Variants in SORCS1 observed in about 807,000 individuals in gnomAD.
SORCS1 encodes the protein VPS10 domain-containing receptor SorCS1.
In SORCS1, 60 loss-of-function variants were observed where a neutral mutation model predicts 146.1. The ratio of observed to expected loss-of-function variants is 0.41; its 90% confidence interval spans 0.33 to 0.51. SORCS1 has a LOEUF of 0.51. SORCS1 is among the 20% of genes least tolerant of loss of function. The pLI is 0.21. For missense variants in SORCS1, 1,352 were observed against 1,487.6 expected (o/e 0.91, Z 1.50); for synonymous variants, 637 against 584.0 (o/e 1.09, Z -1.31).
intron 1 of SORCS1, among the ~76,000 whole-genome samples, chr10:107,133,143 G>T (rs569228472): frequency 6.6e-6 from 1 of 152,302 alleles, no homozygotes; most frequent in Admixed American, 6.5e-5. Context: ...ATTTTAAATA[G>T]AATTTTGAAC....
chr10:106,678,831 T>C (rs1852226694), intron 12 of SORCS1, among the ~76,000 whole-genome samples: 1 of 152,210 alleles, frequency 6.6e-6, no homozygotes, highest in African/African-American at 2.4e-5. Flanking sequence ...TGGCCATTTC[T>C]ATATCTGCAT....
intron 2 of SORCS1, among the ~76,000 whole-genome samples, chr10:106,896,544 A>T (rs1402740301): frequency 1.3e-5 from 2 of 151,946 alleles, no homozygotes; most frequent in Non-Finnish European, 2.9e-5. Flanking sequence ...CAAGATGAAA[A>T]TTTTTTTAAG....
chr10:106,943,609 CATCCCGGCTAACACTGT>C (rs1194011832), intron 2 of SORCS1, among the ~76,000 whole-genome samples: 1 of 151,700 alleles, frequency 6.6e-6, no homozygotes, highest in African/African-American at 2.4e-5. Flanking sequence ...AGATCAAGAC[CATCCCGGCTAACACTGT>C]GAAACCCCAT....
At chr10:106,910,911 ATAAC>A (rs1273091996) in intron 2 of SORCS1, among the ~76,000 whole-genome samples, 2 of 152,252 alleles carry the variant, frequency 1.3e-5, no homozygotes, top group Non-Finnish European at 2.9e-5. Flanking sequence ...ATAAGTAGCA[ATAAC>A]TAACATTTTA....
chr10:106,790,800 T>A lies in SORCS1; in HGVS notation c.727-14108A>T, dbSNP rs1487031789. ...TACTTGTCCGATGTCTAGCTCTTGC[T>A]AGGTATGAATCTTTGTGTCAAAGAT... On this transcript the variant is annotated intron_variant, in intron 3 of 25. Coordinates refer to ENST00000263054, the MANE Select transcript of SORCS1 (RefSeq NM_052918.5). 2.0e-5 allele frequency among the ~76,000 whole-genome samples: 3 copies of A among 152,240 alleles called. No homozygotes were observed. The East Asian group carries it at 5.8e-4, about 29-fold the overall frequency.
chr10:106,806,481 A>G (rs1947184217), intron 3 of SORCS1, among the ~76,000 whole-genome samples: 1 of 146,358 alleles, frequency 6.8e-6, no homozygotes, highest in South Asian at 2.2e-4. Context: ...GAGAGACTAC[A>G]GCCCTTCTGA....
intron 18 of SORCS1, among the ~76,000 whole-genome samples, chr10:106,648,736 C>T (rs567897485): frequency 2.2e-4 from 33 of 152,064 alleles, no homozygotes; most frequent in Non-Finnish European, 4.3e-4. Flanking sequence ...GGGGGAAGGG[C>T]GTTGGTCCCT....
At chr10:106,794,501 CTTTTTTTTTTT>C (rs35647552) in intron 3 of SORCS1, among the ~76,000 whole-genome samples, 2 of 126,068 alleles carry the variant, frequency 1.6e-5, no homozygotes, top group Admixed American at 8.5e-5. Flanking sequence ...TTTTCTTTTT[CTTTTTTTTTTT>C]TTTTTTTTGA....
the SORCS1 span, among the ~76,000 whole-genome samples, chr10:107,171,514 CTTTT>C: frequency 2.6e-5 from 3 of 117,288 alleles, no homozygotes; most frequent in Non-Finnish European, 3.4e-5. Flanking sequence ...GGGAATCCCC[CTTTT>C]TTTTTTTTTT....
In SORCS1 at chr10:106,801,597, C is replaced by T. The variant is rs532384779; in HGVS notation, c.727-24905G>A. Among the ~76,000 whole-genome samples, 64 of 144,096 alleles carry T rather than the reference C, an allele frequency of 4.4e-4. 1 individual carries two copies. The highest frequency in any genetic ancestry group is 7.2e-4 in the Admixed American group (10 of 13,958). 94.5% of individuals were successfully genotyped at this position (144,096 alleles called of 152,430 possible). On this transcript the variant is annotated intron_variant, in intron 3 of 25. Coordinates refer to ENST00000263054, the MANE Select transcript of SORCS1 (RefSeq NM_052918.5). ...AGGCTGGAGTGCAGTGGTGGGATCT[C>T]GGCTCACTGCAAAGCTCCGCCTCCC...
At chr10:106,958,996 C>T (rs570550656) in intron 1 of SORCS1, among the ~76,000 whole-genome samples, 4 of 152,102 alleles carry the variant, frequency 2.6e-5, no homozygotes, top group Admixed American at 1.3e-4. Context: ...GATACAAGAC[C>T]GCAGTAAACT....
At chr10:106,946,066 T>A (rs906665529) in intron 2 of SORCS1, among the ~76,000 whole-genome samples, 1 of 152,224 alleles carries the variant, frequency 6.6e-6, no homozygotes, top group African/African-American at 2.4e-5. Flanking sequence ...GACAGCAATG[T>A]CATGGAATTT....
intron 1 of SORCS1, among the ~76,000 whole-genome samples, chr10:106,986,862 T>G (rs1956500294): frequency 1.3e-5 from 2 of 152,174 alleles, no homozygotes; most frequent in African/African-American, 4.8e-5. Context: ...CCCCCATCTA[T>G]TCTCTCATCT....
chr10:107,018,143 T>C (rs1348877896), intron 1 of SORCS1, among the ~76,000 whole-genome samples: 1 of 152,090 alleles, frequency 6.6e-6, no homozygotes, highest in African/African-American at 2.4e-5. Context: ...TTAGATCACA[T>C]GCCCTTTGTC....
chr10:106,751,993 G>C (rs186081609), intron 5 of SORCS1, among the ~76,000 whole-genome samples: 23 of 152,264 alleles, frequency 1.5e-4, no homozygotes, highest in African/African-American at 5.3e-4. Flanking sequence ...TAAGTGCTAA[G>C]TTACTTAATG....
chr10:106,750,632 G>A (rs1303610092), intron 5 of SORCS1, among the ~76,000 whole-genome samples: 3 of 146,452 alleles, frequency 2.0e-5, no homozygotes, highest in East Asian at 4.1e-4. Flanking sequence ...GGGAGGCTGA[G>A]GCAGGAGAAT....
chr10:107,038,118 C>G (rs553417282), intron 1 of SORCS1, among the ~76,000 whole-genome samples: 5 of 152,170 alleles, frequency 3.3e-5, no homozygotes, highest in Non-Finnish European at 7.4e-5. Context: ...CCACTGCACC[C>G]GGCCCTTTAT....
chr10:106,962,314 G>A (rs1244378515), intron 1 of SORCS1, among the ~76,000 whole-genome samples: 2 of 138,108 alleles, frequency 1.4e-5, no homozygotes, highest in African/African-American at 5.4e-5. Flanking sequence ...AGAATTGCTT[G>A]AACCTGGGAG....
At chr10:107,022,765 A>G (rs554239727) in intron 1 of SORCS1, among the ~76,000 whole-genome samples, 1 of 152,310 alleles carries the variant, frequency 6.6e-6, no homozygotes, top group East Asian at 1.9e-4. Flanking sequence ...CAGAAGAACA[A>G]CACAGCAGTG....
Sources: gnomAD v4.1 joint callset for allele counts (sites outside exome capture counted in the v4.1 genomes callset) on GRCh38, gnomAD v4.1.1 for gene constraint, MANE v1.5 for transcripts, NCBI Gene and HGNC (gene_info 2026-07-23, HGNC 2026-07-21) for gene names.